Variants in MGAT5B observed in about 807,000 individuals in gnomAD.
MGAT5B encodes alpha-1,6-mannosylglycoprotein 6-beta-N-acetylglucosaminyltransferase B.
Under a neutral mutation model 95.1 loss-of-function variants are expected in MGAT5B, and 54 were observed. The ratio of observed to expected loss-of-function variants is 0.57; its 90% CI spans 0.46 to 0.71. The LOEUF (loss-of-function observed/expected upper bound fraction) is 0.71. Ranked by LOEUF, MGAT5B falls within the 30% of genes least tolerant of loss-of-function variation. The pLI is 0.00. For synonymous variants in MGAT5B, 464 were observed against 451.0 expected (o/e 1.03, Z -0.36); for missense variants, 935 against 1,088.6 (o/e 0.86, Z 1.99).
At chr17:76,882,862 CCACCACCA>C (rs1967485716) in intron 3 of MGAT5B, among the ~76,000 whole-genome samples, 1 of 150,666 alleles carries the variant, frequency 6.6e-6, no homozygotes, top group South Asian at 2.1e-4. Context: ...CTACAGGCGC[CCACCACCA>C]CACCTCGGTA....
chr17:76,890,297 A>C (rs1324261736), intron 3 of MGAT5B, among the ~76,000 whole-genome samples: 1 of 152,244 alleles, frequency 6.6e-6, no homozygotes, highest in Non-Finnish European at 1.5e-5. Context: ...GGGCAGGTCT[A>C]ACTGGGACTT....
chr17:76,940,264 G>A lies in MGAT5B; in HGVS notation c.1585-138G>A, dbSNP rs1046728459. On this transcript the variant is annotated intron_variant, in intron 13 of 17. Transcript: ENST00000569840. This position sits in a 1 kb window ranked among gnomAD's most constrained non-coding sequence, Gnocchi z 4.3. ...AGCCCTGTTATAGCTCACATAACAG[G>A]CTGAGCAAAAATAATCGCTCCAGGC... 1.9e-4 allele frequency: 208 copies of A among 1,104,620 alleles called. No individual in the cohort carries two copies. Among genetic ancestry groups the A allele is most frequent in the Non-Finnish European group, 2.5e-4 (198 of 804,904 alleles). 68.4% of individuals were successfully genotyped at this position (1,104,620 alleles called of 1,614,324 possible). A position where few individuals can be genotyped will look rare whatever the true frequency, so the allele number is the denominator to read the frequency against.
rs138534156 is a variant in MGAT5B at position 76,906,123 on chromosome 17, C to G, written c.961C>G (p.Leu321Val). 18 of 1,607,330 alleles carry G rather than the reference C, an allele frequency of 1.1e-5. No individual in the cohort carries two copies. The South Asian group carries it at 1.8e-4, about 16-fold the overall frequency. ...LGEMVQWADI[L>V]TALYVLGHGL... ...GGAGATGGTGCAGTGGGCGGACATT[C>G]TGACTGCACTCTATGTCCTGGGCCA... Residue 321 changes from leucine to valine, a missense_variant, in exon 8 of 18, where the codon CTG (leucine) becomes GTG (valine). Leu to Val is a conservative substitution (Grantham distance 32). Transcript: ENST00000569840. The surrounding 1 kb of genome is among the most constrained non-coding windows in gnomAD (Gnocchi z 4.6).
chr17:76,922,248 C>T (rs1296424132), intron 8 of MGAT5B, among the ~76,000 whole-genome samples: 2 of 152,134 alleles, frequency 1.3e-5, no homozygotes, highest in Non-Finnish European at 2.9e-5. Context: ...GACCCACCTA[C>T]GGTTTGTATT....
chr17:76,876,747 G>A (rs1967206671), intron 2 of MGAT5B, among the ~76,000 whole-genome samples: 1 of 152,220 alleles, frequency 6.6e-6, no homozygotes, highest in African/African-American at 2.4e-5. Flanking sequence ...ATCTCATTCT[G>A]TATTCTGCAC....
At chr17:76,880,168 TCTC>T in intron 2 of MGAT5B, among the ~76,000 whole-genome samples, 1 of 152,250 alleles carries the variant, frequency 6.6e-6, no homozygotes, top group Admixed American at 6.5e-5. Context: ...TCTGCCTCTC[TCTC>T]CTCCTTTTCT....
intron 10 of MGAT5B, 123 bp from the exon 11 acceptor site, chr17:76,932,522 T>A (rs1056732206): frequency 1.6e-5 from 23 of 1,425,786 alleles, no homozygotes; most frequent in Non-Finnish European, 2.2e-5. Context: ...CACCGCACCC[T>A]GTGCCCCGCC....
Position 76,912,386 on chromosome 17 carries a change from A to G in MGAT5B, c.1025+6199A>G, listed in dbSNP as rs2145208504. ...GGAGCCGTTCTGTGGGAGCAGCACC[A>G]GGTTAATTTGAAAACAGGTCAATGG... On this transcript the variant is annotated intron_variant, in intron 8 of 17. Coordinates refer to ENST00000569840, the MANE Select transcript of MGAT5B (RefSeq NM_001199172.2). This position sits in a 1 kb window ranked among gnomAD's most constrained non-coding sequence, Gnocchi z 5.0. Among the ~76,000 whole-genome samples the G allele has an allele frequency of 6.6e-6, 1 of 152,290 alleles. No individual in the cohort carries two copies. The highest frequency in any genetic ancestry group is 1.9e-4 in the East Asian group (1 of 5,182).
chr17:76,888,806 G>A lies in MGAT5B; in HGVS notation c.329+6508G>A, dbSNP rs76715438. 7.3e-3 allele frequency among the ~76,000 whole-genome samples: 1,117 copies of A among 152,250 alleles called. 13 individuals are homozygous for A. Among genetic ancestry groups the A allele is most frequent in the African/African-American group, 0.026 (1,072 of 41,534 alleles). On this transcript the variant is annotated intron_variant, in intron 3 of 17. Transcript: ENST00000569840. ...TGCGGAACCAGAGTTCCCCACTGGA[G>A]GGCCGCGTTGGTGGTATAGTGGTGA...
At position 76,925,233 on chromosome 17, in the gene MGAT5B, C is replaced by T. The variant is rs189930832; in HGVS notation, c.1157+136C>T. Reference sequence around the variant, plus strand: ...AACATACTGTCCTGCATCCTGCCCTCCGCCCTCCCCTCCCCTCCCCTGCCA... The same window carrying T: ...AACATACTGTCCTGCATCCTGCCCTTCGCCCTCCCCTCCCCTCCCCTGCCA... On this transcript the variant is annotated intron_variant, in intron 9 of 17. Transcript: ENST00000569840. The T allele has an allele frequency of 5.5e-3, 1,150 of 209,218 alleles. 28 individuals are homozygous for T. Among genetic ancestry groups the T allele is most frequent in the African/African-American group, 0.053 (547 of 10,314 alleles). The allele number at this position is 209,218 out of a possible 1,614,324, so 13.0% of individuals were successfully genotyped here.
intron 8 of MGAT5B, among the ~76,000 whole-genome samples, chr17:76,923,071 G>C (rs1455885648): frequency 6.6e-6 from 1 of 152,238 alleles, no homozygotes; most frequent in African/African-American, 2.4e-5. Context: ...GCTGTCGGCA[G>C]GTGACCAGAA....
chr17:76,871,410 G>T (rs1418431573), intron 1 of MGAT5B, among the ~76,000 whole-genome samples: 4 of 152,146 alleles, frequency 2.6e-5, no homozygotes, highest in African/African-American at 9.7e-5. Flanking sequence ...CTTCCTGCTG[G>T]GGGTGTGGTC....
In MGAT5B at chr17:76,905,955, C is replaced by T. The variant is rs1299823837; in HGVS notation, c.856-63C>T. The T allele has an allele frequency of 1.3e-5, 19 of 1,494,812 alleles. No homozygotes were observed. The highest frequency in any genetic ancestry group is 2.4e-4 in the Middle Eastern group (1 of 4,166). 92.6% of individuals were successfully genotyped at this position (1,494,812 alleles called of 1,614,324 possible). ...CCGGCTGGTCTCCTGGCCGGTGCCC[C>T]GGGGGGGCGGGGCTCAGAGCTGCTG... On this transcript the variant is annotated intron_variant, in intron 7 of 17. Transcript: ENST00000569840. This position sits in a 1 kb window ranked among gnomAD's most constrained non-coding sequence, Gnocchi z 4.2.
At chr17:76,890,086 G>A (rs1598910404) in intron 3 of MGAT5B, among the ~76,000 whole-genome samples, 1 of 152,254 alleles carries the variant, frequency 6.6e-6, no homozygotes, top group East Asian at 1.9e-4. Context: ...CCATGGCCTG[G>A]GCCAGACTCA....
rs199706897 is a variant in MGAT5B at position 76,908,269 on chromosome 17, TTTC to T, written c.1025+2088_1025+2090del. On this transcript the variant is annotated intron_variant, in intron 8 of 17. Coordinates refer to ENST00000569840, the MANE Select transcript of MGAT5B (RefSeq NM_001199172.2). Reference sequence around the variant, plus strand: ...TCTTTTTTTCCTTTCTTTCTCTTTCTTTCTTCTTTTTTTTTTTTTTTTTCAGAT... The same window carrying T: ...TCTTTTTTTCCTTTCTTTCTCTTTCTTTCTTTTTTTTTTTTTTTTTCAGAT... Among the ~76,000 whole-genome samples, 99 of 127,640 alleles carry T rather than the reference TTTC, an allele frequency of 7.8e-4. 5 individuals are homozygous for T. Among genetic ancestry groups the T allele is most frequent in the East Asian group, 6.3e-3 (22 of 3,502 alleles). 83.7% of individuals were successfully genotyped at this position (127,640 alleles called of 152,430 possible). A position where few individuals can be genotyped will look rare whatever the true frequency, so the allele number is the denominator to read the frequency against.
rs1969753789 is a variant in MGAT5B at position 76,938,665 on chromosome 17, G to A, written c.1584+522G>A. Among the ~76,000 whole-genome samples the A allele has an allele frequency of 6.6e-6, 1 of 152,132 alleles. No homozygotes were observed. On this transcript the variant is annotated intron_variant, in intron 13 of 17. Transcript: ENST00000569840. This position sits in a 1 kb window ranked among gnomAD's most constrained non-coding sequence, Gnocchi z 4.3. Reference sequence around the variant, plus strand: ...GCTGAGGCTGGAGAGTCTCCAGCCAGCTTCTAGGCACCCCCTCACCCTCTT... The same window carrying A: ...GCTGAGGCTGGAGAGTCTCCAGCCAACTTCTAGGCACCCCCTCACCCTCTT...
In MGAT5B at chr17:76,914,970, C is replaced by A. The variant is rs1968875662; in HGVS notation, c.1025+8783C>A. Reference sequence around the variant, plus strand: ...TTCTTTTTATAAGGACACCAGTCAACTTGGATTAGGGTCTACCCTAATGCC... The same window carrying A: ...TTCTTTTTATAAGGACACCAGTCAAATTGGATTAGGGTCTACCCTAATGCC... On this transcript the variant is annotated intron_variant, in intron 8 of 17. Transcript: ENST00000569840. This position sits in a 1 kb window ranked among gnomAD's most constrained non-coding sequence, Gnocchi z 5.1. 6.6e-6 allele frequency among the ~76,000 whole-genome samples: 1 copy of A among 152,206 alleles called. No individual in the cohort carries two copies. The highest frequency in any genetic ancestry group is 1.5e-5 in the Non-Finnish European group (1 of 68,034).
At position 76,947,695 on chromosome 17, in the gene MGAT5B, G is replaced by C. The variant is rs534485821; in HGVS notation, c.1924-135G>C. On this transcript the variant is annotated intron_variant, in intron 16 of 17. Coordinates refer to ENST00000569840, the MANE Select transcript of MGAT5B (RefSeq NM_001199172.2). The stretch of plus-strand genomic sequence containing the variant: ...CATGAGAAGTAAATGAAATAATGCA[G>C]GTAAAGCTACCTGGTATTCAGTAAG... 110 of 1,355,024 alleles carry C rather than the reference G, an allele frequency of 8.1e-5. No homozygotes were observed. The African/African-American group carries it at 1.5e-3, about 18-fold the overall frequency. 83.9% of individuals were successfully genotyped at this position (1,355,024 alleles called of 1,614,324 possible).
rs566327621 is a variant in MGAT5B at position 76,909,584 on chromosome 17, G to A, written c.1025+3397G>A. On this transcript the variant is annotated intron_variant, in intron 8 of 17. Transcript: ENST00000569840. ...GGATGCTGATGAGGACAGAGCCATGGCAATCTTAGGTCACTAGGGCCCAGC... is the reference window on the plus strand; with the variant it reads ...GGATGCTGATGAGGACAGAGCCATGACAATCTTAGGTCACTAGGGCCCAGC... 6.6e-5 allele frequency among the ~76,000 whole-genome samples: 10 copies of A among 152,328 alleles called. No individual in the cohort carries two copies. The South Asian group carries it at 2.1e-3, about 32-fold the overall frequency.
Sources: gnomAD v4.1 joint callset for allele counts (sites outside exome capture counted in the v4.1 genomes callset) on GRCh38, gnomAD v4.1.1 for gene constraint, Gnocchi (gnomAD v3.1) non-coding constraint, MANE v1.5 for transcripts, NCBI Gene and HGNC (gene_info 2026-07-23, HGNC 2026-07-21) for gene names.